ATR: variants seen among roughly 807,000 people sequenced by gnomAD.
ATR encodes ATR checkpoint kinase, also known as serine/threonine-protein kinase ATR.
In ATR, 142 loss-of-function variants were observed where a neutral mutation model predicts 305.3. The observed-to-expected ratio is 0.47, with a 90% confidence interval of 0.41 to 0.53. The LOEUF is 0.53. Among genes scored for constraint, ATR ranks in the 20% least tolerant of loss-of-function variants. The pLI is 0.00. For missense variants in ATR, 2,135 were observed against 3,133.1 expected (o/e 0.68, Z 7.60); for synonymous variants, 1,050 against 1,068.1 (o/e 0.98, Z 0.33).
At chr3:142,571,156 G>T (rs1421976352) in intron 1 of ATR, among the ~76,000 whole-genome samples, 1 of 152,112 alleles carries the variant, frequency 6.6e-6, no homozygotes, top group Non-Finnish European at 1.5e-5. Context: ...GCTGGGGAGA[G>T]GAGAGGAATG....
intron 27 of ATR, among the ~76,000 whole-genome samples, chr3:142,512,035 T>A (rs942400970): frequency 6.6e-6 from 1 of 151,740 alleles, no homozygotes; most frequent in Non-Finnish European, 1.5e-5. Context: ...GGAGAATTGC[T>A]TGAACCCGGG....
chr3:142,493,398 A>G (rs1229261328), intron 34 of ATR, 87 bp from the exon 35 acceptor site: 2 of 1,366,366 alleles, frequency 1.5e-6, no homozygotes, highest in Non-Finnish European at 2.0e-6. Flanking sequence ...ATGTTTTTGT[A>G]CAAATCCATT....
At chr3:142,504,268 A>G (rs942197493) in intron 29 of ATR, among the ~76,000 whole-genome samples, 3 of 152,202 alleles carry the variant, frequency 2.0e-5, no homozygotes, top group Non-Finnish European at 2.9e-5. Flanking sequence ...GTAGGTGTAT[A>G]AAATATGAAA....
intron 13 of ATR, among the ~76,000 whole-genome samples, chr3:142,552,803 T>C (rs1029141510): frequency 6.6e-6 from 1 of 152,106 alleles, no homozygotes; most frequent in Non-Finnish European, 1.5e-5. Flanking sequence ...ATCATGTCCT[T>C]TGCAGGGACA....
chr3:142,513,540 C>G lies in ATR; in HGVS notation c.4602G>C (p.Val1534=). Residue 1534 remains valine (V), a synonymous_variant, in exon 26 of 47, where the codon GTG becomes GTC. Transcript: ENST00000350721. ...CTTGATTACAACCCAGTAAGACATA[C>G]ACCAGAATATGTGGAAGAAGATAGA... ...VTIYLLPHIL[V]YVLLGCNQED... is the part of the protein sequence containing the mutation. 1 of 1,613,324 alleles carries G rather than the reference C, an allele frequency of 6.2e-7. No individual in the cohort carries two copies. Among genetic ancestry groups the G allele is most frequent in the Non-Finnish European group, 8.5e-7 (1 of 1,179,438 alleles).
intron 21 of ATR, among the ~76,000 whole-genome samples, chr3:142,527,131 T>A: frequency 6.6e-6 from 1 of 152,186 alleles, no homozygotes; most frequent in Middle Eastern, 3.2e-3. Flanking sequence ...TTGATAATAT[T>A]TCATTTATAA....
At chr3:142,481,895 T>G (rs2030520253) in intron 36 of ATR, among the ~76,000 whole-genome samples, 1 of 151,828 alleles carries the variant, frequency 6.6e-6, no homozygotes, top group Non-Finnish European at 1.5e-5. Context: ...TGATCATAGC[T>G]CTCCGCAATC....
At chr3:142,532,986 T>C (rs1356770362) in intron 21 of ATR, among the ~76,000 whole-genome samples, 1 of 152,166 alleles carries the variant, frequency 6.6e-6, no homozygotes, top group African/African-American at 2.4e-5. Context: ...CAATAGCTAC[T>C]ATCCACATGT....
chr3:142,574,352 C>T (rs1265522969), intron 1 of ATR, among the ~76,000 whole-genome samples: 1 of 149,768 alleles, frequency 6.7e-6, no homozygotes, highest in Non-Finnish European at 1.5e-5. Context: ...GTCCCAGCTA[C>T]TTGGGAGGCT....
At chr3:142,506,182 CA>C (rs1213351156) in intron 28 of ATR, among the ~76,000 whole-genome samples, 4 of 152,100 alleles carry the variant, frequency 2.6e-5, no homozygotes, top group Admixed American at 1.3e-4. Flanking sequence ...ACAATTCCTT[CA>C]AAAACTGGTT....
intron 35 of ATR, among the ~76,000 whole-genome samples, chr3:142,486,959 C>CA (rs60024459): frequency 0.34 from 24,019 of 69,804 alleles, 3,453 homozygotes; most frequent in Non-Finnish European, 0.36. Flanking sequence ...ACTAAAAATA[C>CA]AAAAAAAAAA....
At position 142,457,628 on chromosome 3, in the gene ATR, C is replaced by T. The variant is rs769121210; in HGVS notation, c.7631G>A (p.Arg2544His). The change falls in exon 45 of 47, where the codon CGT (arginine) becomes CAT (histidine). Residue 2544 changes from arginine to histidine, a missense_variant. Physicochemically the swap from Arg to His is conservative, Grantham distance 29. Around this residue, in one of 9 missense-constraint regions of ATR, gnomAD observed 462 missense variants for 887.6 expected, o/e 0.52. Coordinates refer to ENST00000350721, the MANE Select transcript of ATR (RefSeq NM_001184.4). ...CCTCATTAAAGGCTCTCGCTGATCA[C>T]GCATCAGCCTCATTGTAACTTCACA... ...RACEVTMRLM[R>H]DQREPLMSVL... is the part of the protein sequence containing the mutation. 13 of 1,614,032 alleles carry T rather than the reference C, an allele frequency of 8.1e-6. No homozygotes were observed. Among genetic ancestry groups the T allele is most frequent in the South Asian group, 2.2e-5 (2 of 91,080 alleles).
intron 10 of ATR, 132 bp downstream of exon 10, chr3:142,555,745 A>G: frequency 1.8e-6 from 2 of 1,129,404 alleles, no homozygotes; most frequent in Non-Finnish European, 2.5e-6. Flanking sequence ...ATAACTAATC[A>G]ATACTGAGCA....
Position 142,512,482 on chromosome 3 carries a change from A to G in ATR, c.4642-12T>C. ...ATTTCTGCATAAACCTATGAGAATC[A>G]TTTATAATTAATAATAATATCTATA... is the stretch of plus-strand genomic sequence containing the variant. On this transcript the variant is annotated splice_polypyrimidine_tract_variant and intron_variant, in intron 26 of 46. Coordinates refer to ENST00000350721, the MANE Select transcript of ATR (RefSeq NM_001184.4). 6.4e-7 allele frequency: 1 copy of G among 1,562,952 alleles called. No homozygotes were observed. Among genetic ancestry groups the G allele is most frequent in the Non-Finnish European group, 8.8e-7 (1 of 1,137,680 alleles).
At chr3:142,467,829 C>T in intron 39 of ATR, 105 bp downstream of exon 39, 2 of 1,346,062 alleles carry the variant, frequency 1.5e-6, no homozygotes, top group East Asian at 2.5e-5. Context: ...TATGTGTACA[C>T]CTATAGTTAG....
chr3:142,513,199 A>G (rs2032665853), intron 26 of ATR, among the ~76,000 whole-genome samples: 1 of 152,244 alleles, frequency 6.6e-6, no homozygotes, highest in Admixed American at 6.5e-5. Context: ...TAAAAGATGT[A>G]TAAATTTTGC....
intron 36 of ATR, among the ~76,000 whole-genome samples, chr3:142,481,457 A>G (rs1244715054): frequency 6.6e-6 from 1 of 152,198 alleles, no homozygotes. Context: ...GATTACTAGT[A>G]TACCTTCTTC....
At chr3:142,549,179 A>C (rs181940101) in intron 15 of ATR, among the ~76,000 whole-genome samples, 34 of 152,332 alleles carry the variant, frequency 2.2e-4, no homozygotes, top group African/African-American at 7.5e-4. Context: ...TTAAGTGTGT[A>C]TCATCAGTCA....
chr3:142,452,627 T>A, intron 46 of ATR: 1 of 908,994 alleles, frequency 1.1e-6, no homozygotes, highest in Non-Finnish European at 1.3e-6. Context: ...TGAGCCAAGA[T>A]CGTGCCACTG....
Sources: allele counts gnomAD v4.1 joint callset (sites outside exome capture counted in the v4.1 genomes callset), GRCh38; gene constraint gnomAD v4.1.1; regional missense constraint gnomAD v4.1.1; transcripts MANE v1.5; gene names NCBI Gene and HGNC (gene_info 2026-07-23, HGNC 2026-07-21).